The following BRF1 variants were observed in gnomAD, a reference collection of about 807,000 sequenced individuals.
BRF1 encodes the protein transcription factor IIIB 90 kDa subunit.
Under a neutral mutation model 81.7 loss-of-function variants are expected in BRF1, and 59 were observed. That is an observed-to-expected ratio of 0.72 (90% confidence interval 0.59 to 0.90). The LOEUF (loss-of-function observed/expected upper bound fraction) is 0.90, where lower values mean the gene tolerates loss of function less well. BRF1 is among the 40% of genes least tolerant of loss of function. The pLI, the probability that BRF1 is intolerant of heterozygous loss-of-function variation, is 0.00. For missense variants in BRF1, 1,050 were observed against 936.3 expected, an observed-to-expected ratio of 1.12 and a Z score of -1.58; for synonymous variants, 491 against 395.6, an observed-to-expected ratio of 1.24 and a Z score of -2.86.
At position 105,214,364 on chromosome 14, in the gene BRF1, A is replaced by G. The variant is rs587602631; in HGVS notation, c.1773-2200T>C. Among the ~76,000 whole-genome samples the G allele has an allele frequency of 2.2e-4, 34 of 151,644 alleles. No homozygotes were observed. In the South Asian group the frequency reaches 6.5e-3, roughly 29 times the overall value. ...GTCAAAGCAGCCCGAGTGACCACAG[A>G]GTGAGGAGGAGACAAGCTCGGAGGG... On this transcript the variant is annotated intron_variant, in intron 15 of 17. Coordinates refer to ENST00000547530, the MANE Select transcript of BRF1 (RefSeq NM_001519.4).
rs587715128 is a variant in BRF1 at position 105,284,786 on chromosome 14, T to C, written c.265+1510A>G. Among the ~76,000 whole-genome samples the C allele has an allele frequency of 1.6e-4, 24 of 151,464 alleles. No homozygotes were observed. In the South Asian group the frequency reaches 2.7e-3, roughly 17 times the overall value. ...TTCACACCACTGCTATTCAATGTGG[T>C]AAACAAAAAAAACAAAAACAAAAAA... On this transcript the variant is annotated intron_variant, in intron 2 of 17. Coordinates refer to ENST00000547530, the MANE Select transcript of BRF1 (RefSeq NM_001519.4). This position sits in a 1 kb window ranked among gnomAD's most constrained non-coding sequence, Gnocchi z 4.0.
chr14:105,270,267 G>A (rs587764158), intron 3 of BRF1, among the ~76,000 whole-genome samples: 4 of 151,444 alleles, frequency 2.6e-5, no homozygotes, highest in Middle Eastern at 3.4e-3. Context: ...TCCGCCTCCC[G>A]GGTTCCCGCC....
At chr14:105,290,227 C>T (rs1469745563) in intron 1 of BRF1, among the ~76,000 whole-genome samples, 1 of 152,054 alleles carries the variant, frequency 6.6e-6, no homozygotes, top group Non-Finnish European at 1.5e-5. Flanking sequence ...CGAGACCAGC[C>T]TAACCAACAA....
At position 105,272,851 on chromosome 14, in the gene BRF1, G is replaced by C; in HGVS notation, c.309C>G (p.Asn103Lys). ...IHHLGNQLQL[N>K]QHCLDTAFNF... is the part of the protein sequence containing the mutation. ...TGAAGGCGGTGTCCAGGCAGTGCTG[G>C]TTCAGCTGCAGCTGGTTCCCCAGGT... The change falls in exon 3 of 18, where the codon AAC becomes AAG. Residue 103 changes from asparagine to lysine, a missense_variant. By Grantham distance (94) the Asn-to-Lys change is moderately conservative. This residue lies in a region of BRF1 where 1,043 missense variants were observed against 915.4 expected (regional missense o/e 1.14). Coordinates refer to ENST00000547530, the MANE Select transcript of BRF1 (RefSeq NM_001519.4). The C allele has an allele frequency of 6.2e-7, 1 of 1,613,804 alleles. No individual in the cohort carries two copies. Among genetic ancestry groups the C allele is most frequent in the South Asian group, 1.1e-5 (1 of 91,082 alleles).
intron 1 of BRF1, among the ~76,000 whole-genome samples, chr14:105,297,545 G>A (rs2057795374): frequency 6.6e-6 from 1 of 152,126 alleles, no homozygotes; most frequent in African/African-American, 2.4e-5. Context: ...ACTTCAGCGT[G>A]GGTGACAGGG....
chr14:105,225,945 G>T, intron 10 of BRF1, 124 bp downstream of exon 10: 1 of 1,032,536 alleles, frequency 9.7e-7, no homozygotes, highest in Non-Finnish European at 1.4e-6. Flanking sequence ...CCTGCCCGGT[G>T]GTAAACTTAC....
rs1413231543 is a variant in BRF1 at position 105,210,895 on chromosome 14, C to T, written c.1996+227G>A. Among the ~76,000 whole-genome samples the T allele has an allele frequency of 7.2e-5, 11 of 152,176 alleles. No individual in the cohort carries two copies. Among genetic ancestry groups the T allele is most frequent in the Admixed American group, 5.9e-4 (9 of 15,286 alleles). Reference sequence around the variant, plus strand: ...CGGGAACCTCGTGCTGCTGGCTGGGCGGCCCTCGTGGTGGGTACCTCACCG... The same window carrying T: ...CGGGAACCTCGTGCTGCTGGCTGGGTGGCCCTCGTGGTGGGTACCTCACCG... On this transcript the variant is annotated intron_variant, in intron 17 of 17. Transcript: ENST00000547530. This position sits in a 1 kb window ranked among gnomAD's most constrained non-coding sequence, Gnocchi z 4.7.
intron 4 of BRF1, among the ~76,000 whole-genome samples, chr14:105,255,752 T>A (rs985274353): frequency 1.3e-5 from 2 of 152,234 alleles, no homozygotes; most frequent in Middle Eastern, 6.3e-3. Context: ...AAGAGAGATG[T>A]AACTGAAAGT....
chr14:105,294,586 A>ATGAGCATGG (rs2057659259), intron 1 of BRF1, among the ~76,000 whole-genome samples: 1 of 152,246 alleles, frequency 6.6e-6, no homozygotes, highest in African/African-American at 2.4e-5. Flanking sequence ...AGTCCTAGGA[A>ATGAGCATGG]GATACCCAGG....
At chr14:105,273,670 T>A (rs1595442039) in intron 2 of BRF1, among the ~76,000 whole-genome samples, 1 of 152,336 alleles carries the variant, frequency 6.6e-6, no homozygotes, top group Non-Finnish European at 1.5e-5. Context: ...GATCTAGGGC[T>A]GTGCAGGACG....
At chr14:105,258,067 C>T (rs2055969292) in intron 3 of BRF1, among the ~76,000 whole-genome samples, 1 of 152,248 alleles carries the variant, frequency 6.6e-6, no homozygotes, top group Non-Finnish European at 1.5e-5. Context: ...ACGGGCTCAT[C>T]AACCATAACA....
chr14:105,265,054 G>GTTTTTT lies in BRF1; in HGVS notation c.439+7661_439+7666dup, dbSNP rs587673120. Among the ~76,000 whole-genome samples the GTTTTTT allele has an allele frequency of 1.8e-4, 24 of 130,132 alleles. 2 individuals are homozygous for GTTTTTT. Among genetic ancestry groups the GTTTTTT allele is most frequent in the African/African-American group, 2.4e-4 (8 of 33,806 alleles). The allele number at this position is 130,132 out of a possible 152,430, so 85.4% of individuals were successfully genotyped here. On this transcript the variant is annotated intron_variant, in intron 3 of 17. Transcript: ENST00000547530. ...ATAAGTTCTACTTATCCTTTTTTTT[G>GTTTTTT]TTTTTTTTTTGTTTGTTTGTTTTTT...
In BRF1 at chr14:105,269,492, G is replaced by A. The variant is rs2056567450; in HGVS notation, c.439+3229C>T. Among the ~76,000 whole-genome samples, 1 of 152,150 alleles carries A rather than the reference G, an allele frequency of 6.6e-6. No individual in the cohort carries two copies. Among genetic ancestry groups the A allele is most frequent in the South Asian group, 2.1e-4 (1 of 4,832 alleles). On this transcript the variant is annotated intron_variant, in intron 3 of 17. Transcript: ENST00000547530. The surrounding 1 kb of genome is among the most constrained non-coding windows in gnomAD (Gnocchi z 5.0). ...CCCCAGAGCTGAGCAACCACCACCA[G>A]GATCTAATTTTAGAATGCGTGGGGG...
At chr14:105,296,125 C>G (rs587678525) in intron 1 of BRF1, among the ~76,000 whole-genome samples, 2 of 148,508 alleles carry the variant, frequency 1.3e-5, no homozygotes, top group East Asian at 4.0e-4. Context: ...ATTAAAAACT[C>G]TTAGGGGCCA....
At chr14:105,278,107 G>C (rs2140430622) in intron 2 of BRF1, among the ~76,000 whole-genome samples, 1 of 152,276 alleles carries the variant, frequency 6.6e-6, no homozygotes, top group African/African-American at 2.4e-5. Flanking sequence ...TAATTAGCTA[G>C]CCATAGCCTG....
intron 3 of BRF1, among the ~76,000 whole-genome samples, chr14:105,258,488 C>CAA (rs371399124): frequency 4.3e-4 from 54 of 126,250 alleles, no homozygotes; most frequent in East Asian, 2.7e-3. Flanking sequence ...GACTCCGTCT[C>CAA]AAAAAAAAAA....
chr14:105,283,701 T>C (rs982643511), intron 2 of BRF1, among the ~76,000 whole-genome samples: 26 of 152,210 alleles, frequency 1.7e-4, no homozygotes, highest in African/African-American at 6.0e-4. Context: ...CACTACTCTT[T>C]GCAATTTGTA....
chr14:105,214,501 A>ACCCCTGCG (rs1566795230), intron 15 of BRF1, among the ~76,000 whole-genome samples: 9 of 37,754 alleles, frequency 2.4e-4, no homozygotes, highest in African/African-American at 4.9e-4. Context: ...ACACCCCTGC[A>ACCCCTGCG]TGGCTCAGCT....
chr14:105,253,892 TGTA>T (rs1418139933), intron 4 of BRF1, among the ~76,000 whole-genome samples: 5 of 152,210 alleles, frequency 3.3e-5, no homozygotes, highest in Admixed American at 6.5e-5. Flanking sequence ...TGTCAGCACA[TGTA>T]GTGTGTGTGT....
Sources: gnomAD v4.1 joint callset for allele counts (sites outside exome capture counted in the v4.1 genomes callset) on GRCh38, gnomAD v4.1.1 for gene constraint, gnomAD v4.1.1 regional missense constraint, Gnocchi (gnomAD v3.1) non-coding constraint, MANE v1.5 for transcripts, NCBI Gene and HGNC (gene_info 2026-07-23, HGNC 2026-07-21) for gene names.